Variants in IL13RA1 observed in about 807,000 individuals in gnomAD.
IL13RA1 encodes interleukin-13 receptor subunit alpha-1.
IL13RA1 carries 14 observed loss-of-function variants against 33.8 expected under a neutral mutation model. The ratio of observed to expected loss-of-function variants is 0.41; its 90% CI spans 0.27 to 0.65. IL13RA1 has a LOEUF of 0.65. Among genes scored for constraint, IL13RA1 ranks in the 30% least tolerant of loss-of-function variants. IL13RA1 has a pLI of 0.28. For synonymous variants in IL13RA1, 116 were observed against 115.7 expected (o/e 1.00, Z -0.02); for missense variants, 313 against 327.0 (o/e 0.96, Z 0.33).
At chrX:118,768,378 C>A (rs962322753) in intron 8 of IL13RA1, among the ~76,000 whole-genome samples, 9 of 111,852 alleles carry the variant, frequency 8.0e-5, no homozygotes, top group African/African-American at 2.9e-4. Flanking sequence ...AGGTTGCAGT[C>A]AAGCTGCAAT....
rs150321483 is a variant in IL13RA1 at position 118,757,179 on chromosome X, A to G, written c.489-876A>G. Among the ~76,000 whole-genome samples, 785 of 111,641 alleles carry G rather than the reference A, an allele frequency of 7.0e-3. 5 individuals carry two copies. The highest frequency in any genetic ancestry group is 0.024 in the African/African-American group (743 of 30,687). ...AGCCTTAGAATGTCTTCTCTTATAC[A>G]GAAGAAATAGGCCTCCTGTAGTCTC... On this transcript the variant is annotated intron_variant, in intron 4 of 10. Transcript: ENST00000371666.
At chrX:118,800,726 TC>T in the IL13RA1 span, among the ~76,000 whole-genome samples, 3 of 111,286 alleles carry the variant, frequency 2.7e-5, no homozygotes, top group Non-Finnish European at 5.7e-5. Context: ...CACCTCAGCC[TC>T]CCAATTAGCT....
intron 10 of IL13RA1, among the ~76,000 whole-genome samples, chrX:118,784,087 AAAAATAT>A (rs1192871373): frequency 4.7e-5 from 3 of 63,683 alleles, no homozygotes; most frequent in African/African-American, 2.0e-4. Flanking sequence ...CAAAAAAAAA[AAAAATAT>A]ATATATATAT....
intron 10 of IL13RA1, among the ~76,000 whole-genome samples, chrX:118,786,632 G>A (rs949877826): frequency 1.4e-4 from 16 of 111,823 alleles, no homozygotes; most frequent in African/African-American, 5.2e-4. Flanking sequence ...TGGCTGTAGA[G>A]CTCCATCCTC....
At chrX:118,765,671 A>G (rs1367084324) in intron 6 of IL13RA1, among the ~76,000 whole-genome samples, 1 of 112,048 alleles carries the variant, frequency 8.9e-6, no homozygotes, top group East Asian at 2.8e-4. Context: ...GGGCATTTAT[A>G]TAGGCATATG....
At chrX:118,797,766 G>C (rs2018039507), downstream of IL13RA1, among the ~76,000 whole-genome samples, 1 of 112,054 alleles carries the variant, frequency 8.9e-6, no homozygotes. Flanking sequence ...GCACAAAAAG[G>C]GCTCAAAGTG....
chrX:118,759,579 T>G (rs1410030669), intron 5 of IL13RA1, among the ~76,000 whole-genome samples: 4 of 110,710 alleles, frequency 3.6e-5, no homozygotes, highest in Non-Finnish European at 7.6e-5. Context: ...TTAGATGATC[T>G]TTTAAGTCTT....
At chrX:118,728,814 G>C (rs2017185101) in intron 1 of IL13RA1, among the ~76,000 whole-genome samples, 1 of 111,160 alleles carries the variant, frequency 9.0e-6, no homozygotes, top group Non-Finnish European at 1.9e-5. Context: ...AGACATATCG[G>C]GGGGTGGGGG....
At chrX:118,794,575 G>A (rs1400450164), downstream of IL13RA1, 2 of 111,959 alleles carry the variant, frequency 1.8e-5, no homozygotes, top group Non-Finnish European at 3.8e-5. Flanking sequence ...GAAATGGTGG[G>A]AGGTAGAGAA....
rs2017664380 is a variant in IL13RA1, at chrX:118,767,592, A to G, written c.1009+616A>G. Reference sequence around the variant, plus strand: ...TAATAAAATTTGCACATTGTACAATACTAGAGACTGTCCTACATGCTGGTT... The same window carrying G: ...TAATAAAATTTGCACATTGTACAATGCTAGAGACTGTCCTACATGCTGGTT... On this transcript the variant is annotated intron_variant, in intron 8 of 10. Transcript: ENST00000371666. Among the ~76,000 whole-genome samples, 3 of 111,602 alleles carry G rather than the reference A, an allele frequency of 2.7e-5. No homozygotes were observed. The Admixed American group carries it at 2.9e-4, about 11-fold the overall frequency.
intron 1 of IL13RA1, among the ~76,000 whole-genome samples, chrX:118,739,056 G>T (rs1421246585): frequency 9.0e-6 from 1 of 111,701 alleles, no homozygotes; most frequent in Non-Finnish European, 1.9e-5. Flanking sequence ...CCAAAGTGCT[G>T]GGATTATAGG....
At position 118,742,381 on chromosome X, in the gene IL13RA1, T is replaced by C. The variant is rs189282632; in HGVS notation, c.228+1225T>C. Reference sequence around the variant, plus strand: ...GAAGGGCCTTAGGCATTTGGAGTCTTAGTGGTGATTTTTGGTAATTGAGCC... The same window carrying C: ...GAAGGGCCTTAGGCATTTGGAGTCTCAGTGGTGATTTTTGGTAATTGAGCC... On this transcript the variant is annotated intron_variant, in intron 2 of 10. Coordinates refer to ENST00000371666, the MANE Select transcript of IL13RA1 (RefSeq NM_001560.3). 1.9e-4 allele frequency among the ~76,000 whole-genome samples: 21 copies of C among 112,095 alleles called. No individual in the cohort carries two copies. The Admixed American group carries it at 2.0e-3, about 11-fold the overall frequency.
rs773900691 is a variant in IL13RA1 at position 118,770,105 on chromosome X, G to A, written c.1009+3129G>A. On this transcript the variant is annotated intron_variant, in intron 8 of 10. Transcript: ENST00000371666. ...CTTCTCACTGCCTGAGCTCTTCCAGGGCCCTGTGTACCCCTACTACGTGCT... is the reference window on the plus strand; with the variant it reads ...CTTCTCACTGCCTGAGCTCTTCCAGAGCCCTGTGTACCCCTACTACGTGCT... 3 of 257,969 alleles carry A rather than the reference G, an allele frequency of 1.2e-5. No homozygotes were observed. In the East Asian group the frequency reaches 3.2e-4, roughly 28 times the overall value. 21.3% of individuals were successfully genotyped at this position (257,969 alleles called of 1,213,427 possible).
intron 1 of IL13RA1, among the ~76,000 whole-genome samples, chrX:118,738,585 G>A (rs2017308422): frequency 9.0e-6 from 1 of 111,474 alleles, no homozygotes; most frequent in South Asian, 3.7e-4. Context: ...GTATTCCATG[G>A]TATATATGTG....
At chrX:118,729,387 G>A (rs200717646) in intron 1 of IL13RA1, among the ~76,000 whole-genome samples, 2 of 112,231 alleles carry the variant, frequency 1.8e-5, no homozygotes, top group East Asian at 5.6e-4. Context: ...TTGAGGTATG[G>A]TGGGAAAAAA....
Position 118,772,339 on chromosome X carries a change from T to A in IL13RA1, c.1010-1540T>A, listed in dbSNP as rs188448817. Among the ~76,000 whole-genome samples, 523 of 112,500 alleles carry A rather than the reference T, an allele frequency of 4.6e-3. 7 individuals carry two copies. Among genetic ancestry groups the A allele is most frequent in the South Asian group, 0.045 (124 of 2,743 alleles). On this transcript the variant is annotated intron_variant, in intron 8 of 10. Transcript: ENST00000371666. ...CCTTTTCTCTTGGATCTGGAAAAAA[T>A]TTTTTTATGTTTTCCAATGAGATAC...
chrX:118,754,949 T>C (rs933821210), intron 4 of IL13RA1, among the ~76,000 whole-genome samples: 35 of 106,214 alleles, frequency 3.3e-4, no homozygotes, highest in African/African-American at 9.2e-4. Flanking sequence ...TTTTTTTTTT[T>C]TTCTTTTTTT....
intron 1 of IL13RA1, among the ~76,000 whole-genome samples, chrX:118,733,897 G>A (rs192074092): frequency 3.6e-5 from 4 of 111,615 alleles, no homozygotes; most frequent in Non-Finnish European, 5.7e-5. Flanking sequence ...AGTGGTCTTG[G>A]CACTGTTGTC....
At chrX:118,748,005 T>TGTG (rs1556362835) in intron 3 of IL13RA1, among the ~76,000 whole-genome samples, 56 of 88,856 alleles carry the variant, frequency 6.3e-4, no homozygotes, top group African/African-American at 1.9e-3. Flanking sequence ...AGAGTGAATG[T>TGTG]TGTGTGTGTG....
Sources: gnomAD v4.1 joint callset for allele counts (sites outside exome capture counted in the v4.1 genomes callset) on GRCh38, gnomAD v4.1.1 for gene constraint, MANE v1.5 for transcripts, NCBI Gene and HGNC (gene_info 2026-07-23, HGNC 2026-07-21) for gene names.